Variants in GRK5 observed in about 807,000 individuals in gnomAD.
GRK5 encodes g protein-coupled receptor kinase GRK5.
A neutral mutation model predicts 78.4 loss-of-function variants in GRK5; 40 were observed. The ratio of observed to expected loss-of-function variants is 0.51; its 90% confidence interval spans 0.40 to 0.66. GRK5 has a LOEUF of 0.66. GRK5 is among the 30% of genes least tolerant of loss of function. GRK5 has a pLI of 0.00. For synonymous variants in GRK5, 289 were observed against 296.8 expected (o/e 0.97, Z 0.27); for missense variants, 598 against 759.9 (o/e 0.79, Z 2.50).
At chr10:119,441,944 G>T in intron 10 of GRK5, 55 bp from the exon 11 acceptor site, 8 of 1,435,892 alleles carry the variant, frequency 5.6e-6, no homozygotes, top group South Asian at 2.3e-5. Flanking sequence ...ACACAGCAAG[G>T]CCGGGTGCCC....
rs1328986990 is a variant in GRK5, at chr10:119,458,292, C to G, written c.*3225C>G. 1 of 152,256 alleles carries G rather than the reference C, an allele frequency of 6.6e-6. No individual in the cohort carries two copies. The highest frequency in any genetic ancestry group is 1.5e-5 in the Non-Finnish European group (1 of 68,064). The allele number at this position is 152,256 out of a possible 1,614,324, so 9.4% of individuals were successfully genotyped here. A position where few individuals can be genotyped will look rare whatever the true frequency, so the allele number is the denominator to read the frequency against. ...CAGAGGCGGTCTCTGCCATGGTCAC[C>G]ATGATGCCCTACAAGTGTTTATTGA... On this transcript the variant is annotated 3_prime_UTR_variant, in exon 16 of 16. Transcript: ENST00000392870.
intron 2 of GRK5, among the ~76,000 whole-genome samples, chr10:119,346,256 G>A (rs893670375): frequency 2.0e-5 from 3 of 152,212 alleles, no homozygotes; most frequent in South Asian, 2.1e-4. Context: ...TCGCCGCAGC[G>A]GGGCCGAGGA....
intron 1 of GRK5, among the ~76,000 whole-genome samples, chr10:119,317,345 T>TGG (rs1384996146): frequency 4.3e-4 from 38 of 87,532 alleles, no homozygotes; most frequent in African/African-American, 1.6e-3. Flanking sequence ...ATTCAGTAGA[T>TGG]GGGTGTGTGT....
At chr10:119,345,363 G>A (rs1026810395) in intron 2 of GRK5, among the ~76,000 whole-genome samples, 5 of 152,274 alleles carry the variant, frequency 3.3e-5, no homozygotes, top group South Asian at 2.1e-4. Context: ...CAATCCAGCT[G>A]CAGTGTTAAC....
At position 119,439,735 on chromosome 10, in the gene GRK5, C is replaced by T. The variant is rs1390702698; in HGVS notation, c.934C>T (p.Leu312=). Residue 312 remains leucine (L), a synonymous_variant, in exon 10 of 16, where the codon CTG becomes TTG. Coordinates refer to ENST00000392870, the MANE Select transcript of GRK5 (RefSeq NM_005308.3). Reference sequence around the variant, plus strand: ...GCTTGTTGTTTTTCCTTTCAGAGATCTGAAACCTGAAAACATCCTGTTAGA... The same window carrying T: ...GCTTGTTGTTTTTCCTTTCAGAGATTTGAAACCTGAAAACATCCTGTTAGA... ...LHRENTVYRD[L]KPENILLDDY... 1 of 1,614,056 alleles carries T rather than the reference C, an allele frequency of 6.2e-7. No individual in the cohort carries two copies. Among genetic ancestry groups the T allele is most frequent in the Non-Finnish European group, 8.5e-7 (1 of 1,179,958 alleles).
chr10:119,416,958 T>C (rs1852468724), intron 4 of GRK5, among the ~76,000 whole-genome samples: 1 of 152,196 alleles, frequency 6.6e-6, no homozygotes, highest in African/African-American at 2.4e-5. Context: ...TCTGAGATTA[T>C]AGTCAGTTGG....
At chr10:119,441,739 C>T (rs765147006) in intron 10 of GRK5, among the ~76,000 whole-genome samples, 18 of 152,204 alleles carry the variant, frequency 1.2e-4, no homozygotes, top group Admixed American at 1.3e-4. Flanking sequence ...CTAGGCAGGT[C>T]GGTCAACGTC....
chr10:119,281,032 C>A (rs1849754714), intron 1 of GRK5, among the ~76,000 whole-genome samples: 1 of 152,026 alleles, frequency 6.6e-6, no homozygotes, highest in Non-Finnish European at 1.5e-5. Context: ...CACGCCTTGG[C>A]CTCCCAAAGT....
chr10:119,221,964 G>A (rs1171955722), intron 1 of GRK5, among the ~76,000 whole-genome samples: 3 of 152,138 alleles, frequency 2.0e-5, no homozygotes, highest in Admixed American at 6.5e-5. Flanking sequence ...TGACTTTTCA[G>A]TTGCCCTTGG....
At chr10:119,396,221 G>A (rs1411115643) in intron 3 of GRK5, among the ~76,000 whole-genome samples, 1 of 152,220 alleles carries the variant, frequency 6.6e-6, no homozygotes, top group Non-Finnish European at 1.5e-5. Context: ...TAAGCAAATT[G>A]TCTACGATCA....
chr10:119,337,658 T>G (rs1850914533), intron 2 of GRK5, among the ~76,000 whole-genome samples: 2 of 152,112 alleles, frequency 1.3e-5, no homozygotes, highest in Admixed American at 1.3e-4. Flanking sequence ...TTGCTCTTGT[T>G]GCCCAGGCTG....
rs192184058 is a variant in GRK5 at position 119,355,081 on chromosome 10, G to A, written c.149-25734G>A. On this transcript the variant is annotated intron_variant, in intron 2 of 15. Transcript: ENST00000392870. ...TTCTAATACCTAGTTCAATGTAAAT[G>A]CTATATAAATAGTTGTTATACTGTA... is the stretch of plus-strand genomic sequence containing the variant. Among the ~76,000 whole-genome samples the A allele has an allele frequency of 7.6e-4, 116 of 152,276 alleles. No homozygotes were observed. In the Middle Eastern group the frequency reaches 0.014, roughly 18 times the overall value.
intron 2 of GRK5, among the ~76,000 whole-genome samples, chr10:119,348,371 G>GT (rs1451897030): frequency 3.3e-5 from 5 of 152,216 alleles, no homozygotes; most frequent in African/African-American, 1.2e-4. Context: ...GGAAGATGCT[G>GT]TGGATCGTTT....
At chr10:119,320,913 G>A (rs369634949) in intron 1 of GRK5, among the ~76,000 whole-genome samples, 3 of 152,272 alleles carry the variant, frequency 2.0e-5, no homozygotes, top group Non-Finnish European at 4.4e-5. Context: ...GGGCAGCGGG[G>A]GCCGTAGGGC....
intron 1 of GRK5, among the ~76,000 whole-genome samples, chr10:119,231,598 T>C (rs1298101282): frequency 1.3e-5 from 2 of 151,222 alleles, no homozygotes; most frequent in Non-Finnish European, 1.5e-5. Flanking sequence ...TCCCAGCTAC[T>C]TGGGAGGCTG....
chr10:119,353,849 C>T (rs930896844), intron 2 of GRK5, among the ~76,000 whole-genome samples: 1 of 151,498 alleles, frequency 6.6e-6, no homozygotes, highest in African/African-American at 2.4e-5. Context: ...TTTTTCCCCA[C>T]ATCACTTTTG....
intron 1 of GRK5, among the ~76,000 whole-genome samples, chr10:119,303,165 G>A (rs563910314): frequency 8.5e-5 from 13 of 152,298 alleles, no homozygotes; most frequent in Non-Finnish European, 7.4e-5. Flanking sequence ...AGTCTGCCCC[G>A]GGGGCAGGAT....
intron 1 of GRK5, among the ~76,000 whole-genome samples, chr10:119,300,403 A>G (rs1034955327): frequency 3.9e-5 from 6 of 152,210 alleles, no homozygotes; most frequent in Admixed American, 2.6e-4. Flanking sequence ...ACCAGAGTGC[A>G]TCTCCCATGA....
intron 1 of GRK5, among the ~76,000 whole-genome samples, chr10:119,242,010 G>C (rs977724485): frequency 1.2e-4 from 19 of 152,110 alleles, no homozygotes; most frequent in African/African-American, 4.6e-4. Flanking sequence ...TTGTTTAGTA[G>C]GTAAGAGTTG....
Sources: allele counts gnomAD v4.1 joint callset (sites outside exome capture counted in the v4.1 genomes callset), GRCh38; gene constraint gnomAD v4.1.1; transcripts MANE v1.5; gene names NCBI Gene and HGNC (gene_info 2026-07-23, HGNC 2026-07-21).